GPATCH2: variants seen among roughly 807,000 people sequenced by gnomAD.
GPATCH2 encodes the protein G-patch domain containing 2, also known as G patch domain-containing protein 2.
GPATCH2 carries 51 observed loss-of-function variants against 58.0 expected under a neutral mutation model. The observed-to-expected ratio is 0.88, with a 90% CI of 0.70 to 1.11. The LOEUF (loss-of-function observed/expected upper bound fraction) is 1.11. Ranked by LOEUF, GPATCH2 falls within the 50% of genes most tolerant of loss-of-function variation. GPATCH2 has a pLI of 0.00. For missense variants in GPATCH2, 625 were observed against 652.2 expected, an observed-to-expected ratio of 0.96 and a Z score of 0.45; for synonymous variants, 222 against 218.5, an observed-to-expected ratio of 1.02 and a Z score of -0.14.
chr1:217,449,375 GA>G (rs774951419), intron 8 of GPATCH2, 38 bp from the exon 9 acceptor site: 1 of 1,225,006 alleles, frequency 8.2e-7, no homozygotes, highest in Non-Finnish European at 1.2e-6. Context: ...TAACAAAGAA[GA>G]AAAAATGACA....
intron 8 of GPATCH2, among the ~76,000 whole-genome samples, chr1:217,483,697 A>G (rs1158120211): frequency 6.6e-6 from 1 of 152,208 alleles, no homozygotes; most frequent in Non-Finnish European, 1.5e-5. Flanking sequence ...GTGATACCTC[A>G]TTGTGGTTTT....
At chr1:217,529,332 T>C (rs1157925399) in intron 5 of GPATCH2, among the ~76,000 whole-genome samples, 1 of 152,138 alleles carries the variant, frequency 6.6e-6, no homozygotes, top group Non-Finnish European at 1.5e-5. Context: ...AGGTGGGGCC[T>C]AGTTGGAGGC....
At chr1:217,565,087 C>T (rs1666150123) in intron 5 of GPATCH2, among the ~76,000 whole-genome samples, 1 of 152,116 alleles carries the variant, frequency 6.6e-6, no homozygotes, top group East Asian at 1.9e-4. Flanking sequence ...ACATTCAACT[C>T]TAAAAGGTAA....
intron 5 of GPATCH2, among the ~76,000 whole-genome samples, chr1:217,551,855 C>T (rs576098245): frequency 2.0e-5 from 3 of 152,090 alleles, no homozygotes; most frequent in East Asian, 3.9e-4. Context: ...GCATGATTGC[C>T]GATGACAAAA....
chr1:217,461,190 T>G (rs1660182940), intron 8 of GPATCH2, among the ~76,000 whole-genome samples: 2 of 152,180 alleles, frequency 1.3e-5, no homozygotes, highest in African/African-American at 4.8e-5. Flanking sequence ...ATATAAGAAG[T>G]TATTTCTATT....
At chr1:217,449,587 G>T (rs540787958) in intron 8 of GPATCH2, among the ~76,000 whole-genome samples, 1 of 152,280 alleles carries the variant, frequency 6.6e-6, no homozygotes, top group African/African-American at 2.4e-5. Flanking sequence ...TTCAAAACTG[G>T]CAATCTTTCT....
chr1:217,427,103 T>C lies in GPATCH2; in HGVS notation c.*4042A>G, dbSNP rs1393017953. 6.6e-6 allele frequency: 1 copy of C among 152,140 alleles called. No homozygotes were observed. The highest frequency in any genetic ancestry group is 2.4e-5 in the African/African-American group (1 of 41,446). 9.4% of individuals were successfully genotyped at this position (152,140 alleles called of 1,614,324 possible). The stretch of plus-strand genomic sequence containing the variant: ...AACACTTAAAATGTCCAAGCAGCTT[T>C]ATGAGAGGCACAACTTTCCAAAAGG... On this transcript the variant is annotated 3_prime_UTR_variant, in exon 10 of 10. Coordinates refer to ENST00000366935, the MANE Select transcript of GPATCH2 (RefSeq NM_018040.5).
intron 4 of GPATCH2, 29 bp from the exon 5 acceptor site, chr1:217,610,429 G>C (rs1480712950): frequency 7.9e-7 from 1 of 1,266,746 alleles, no homozygotes. Context: ...CAATTTAGAA[G>C]TTTTCTATGA....
chr1:217,625,386 G>T (rs1248915283), intron 1 of GPATCH2, among the ~76,000 whole-genome samples: 1 of 152,046 alleles, frequency 6.6e-6, no homozygotes, highest in Non-Finnish European at 1.5e-5. Context: ...CTAAGAACTG[G>T]GAGTTGATTG....
At chr1:217,596,650 T>C (rs1442029206) in intron 5 of GPATCH2, among the ~76,000 whole-genome samples, 2 of 152,170 alleles carry the variant, frequency 1.3e-5, no homozygotes, top group African/African-American at 2.4e-5. Flanking sequence ...AAAATAATAA[T>C]ATTCTATAAT....
intron 6 of GPATCH2, among the ~76,000 whole-genome samples, chr1:217,510,682 G>A (rs550425184): frequency 6.6e-6 from 1 of 152,214 alleles, no homozygotes; most frequent in East Asian, 1.9e-4. Context: ...GGAAATAAAA[G>A]GAACTTGGTT....
At chr1:217,609,853 C>T in intron 5 of GPATCH2, 2 of 1,014,868 alleles carry the variant, frequency 2.0e-6, no homozygotes, top group Non-Finnish European at 2.4e-6. Context: ...AGCATTTTGG[C>T]AAAGCAAGTA....
chr1:217,571,160 T>C (rs982090524), intron 5 of GPATCH2, among the ~76,000 whole-genome samples: 6 of 152,190 alleles, frequency 3.9e-5, no homozygotes, highest in Non-Finnish European at 7.3e-5. Context: ...AAGAAAGTCT[T>C]GACAGGCTGA....
At chr1:217,436,186 C>CAA (rs990866356) in intron 9 of GPATCH2, among the ~76,000 whole-genome samples, 54 of 140,614 alleles carry the variant, frequency 3.8e-4, no homozygotes, top group African/African-American at 1.2e-3. Context: ...TATGCATTTT[C>CAA]AAAAAAAAAA....
intron 8 of GPATCH2, among the ~76,000 whole-genome samples, chr1:217,487,930 C>A (rs1436199610): frequency 6.6e-6 from 1 of 152,040 alleles, no homozygotes; most frequent in African/African-American, 2.4e-5. Context: ...TTAGTAGAGA[C>A]GCGGTTTCAC....
At chr1:217,444,359 G>A (rs1379442800) in intron 9 of GPATCH2, among the ~76,000 whole-genome samples, 1 of 152,212 alleles carries the variant, frequency 6.6e-6, no homozygotes, top group Non-Finnish European at 1.5e-5. Context: ...TAGTGTGAGT[G>A]AGTGTGGGGG....
chr1:217,618,409 TA>T (rs1415564051), intron 2 of GPATCH2, among the ~76,000 whole-genome samples: 3 of 151,624 alleles, frequency 2.0e-5, no homozygotes, highest in Non-Finnish European at 4.4e-5. Flanking sequence ...GGTTTCACCA[TA>T]CTGGTCTGGC....
At chr1:217,440,557 G>C (rs973770501) in intron 9 of GPATCH2, among the ~76,000 whole-genome samples, 1 of 152,312 alleles carries the variant, frequency 6.6e-6, no homozygotes, top group East Asian at 1.9e-4. Context: ...AATAGGAAGA[G>C]AGGAAGTCAA....
chr1:217,535,719 C>T (rs980804485), intron 5 of GPATCH2, among the ~76,000 whole-genome samples: 1 of 151,958 alleles, frequency 6.6e-6, no homozygotes, highest in Admixed American at 6.6e-5. Flanking sequence ...TCCTGTGTAC[C>T]GAAAATACTA....
Sources: gnomAD v4.1 joint callset for allele counts (sites outside exome capture counted in the v4.1 genomes callset) on GRCh38, gnomAD v4.1.1 for gene constraint, MANE v1.5 for transcripts, NCBI Gene and HGNC (gene_info 2026-07-23, HGNC 2026-07-21) for gene names.